The following ERG variants were observed in gnomAD, a reference collection of about 807,000 sequenced individuals.
ERG encodes transcriptional regulator ERG.
In ERG, 9 loss-of-function variants were observed where a neutral mutation model predicts 55.3. That is an observed-to-expected ratio of 0.16 (90% CI 0.10 to 0.28). ERG has a LOEUF of 0.28. ERG is among the 10% of genes least tolerant of loss of function. ERG has a pLI of 1.00. For synonymous variants in ERG, 223 were observed against 237.3 expected (o/e 0.94, Z 0.55); for missense variants, 434 against 631.6 (o/e 0.69, Z 3.35).
chr21:38,522,099 A>C (rs1304493179), intron 2 of ERG, among the ~76,000 whole-genome samples: 1 of 152,144 alleles, frequency 6.6e-6, no homozygotes, highest in South Asian at 2.1e-4. Flanking sequence ...TTTAATCTAA[A>C]CCTAAAGTAG....
intron 2 of ERG, among the ~76,000 whole-genome samples, chr21:38,550,463 T>C (rs1469310149): frequency 6.6e-6 from 1 of 152,194 alleles, no homozygotes; most frequent in African/African-American, 2.4e-5. Context: ...GTCATAAGGA[T>C]GGAGGTCTCA....
At chr21:38,486,558 G>A (rs2059287482) in intron 1 of ERG, among the ~76,000 whole-genome samples, 1 of 151,950 alleles carries the variant, frequency 6.6e-6, no homozygotes, top group African/African-American at 2.4e-5. Context: ...TATAAATGCA[G>A]GATTCCTTTC....
intron 2 of ERG, among the ~76,000 whole-genome samples, chr21:38,425,937 G>A (rs1989805955): frequency 1.3e-5 from 2 of 152,240 alleles, no homozygotes; most frequent in Non-Finnish European, 2.9e-5. Context: ...TGTTCAGCAT[G>A]TGGGAACTTG....
At chr21:38,595,687 A>T (rs2060126749) in intron 1 of ERG, among the ~76,000 whole-genome samples, 1 of 152,158 alleles carries the variant, frequency 6.6e-6, no homozygotes, top group African/African-American at 2.4e-5. Flanking sequence ...GTAGCCTTTA[A>T]GATGGAGACT....
intron 1 of ERG, among the ~76,000 whole-genome samples, chr21:38,480,591 C>CTCTTTTT (rs2059228901): frequency 2.0e-5 from 1 of 51,114 alleles, no homozygotes; most frequent in Non-Finnish European, 3.4e-5. Flanking sequence ...ACTATATGGC[C>CTCTTTTT]TTTTTTTTTT....
intron 2 of ERG, among the ~76,000 whole-genome samples, chr21:38,561,420 T>A (rs1480733958): frequency 6.6e-6 from 1 of 151,588 alleles, no homozygotes; most frequent in Non-Finnish European, 1.5e-5. Context: ...GTCACTTTTG[T>A]AACACACAAT....
intron 2 of ERG, among the ~76,000 whole-genome samples, chr21:38,569,385 T>C (rs1165956563): frequency 6.6e-6 from 1 of 152,242 alleles, no homozygotes; most frequent in Non-Finnish European, 1.5e-5. Context: ...GGAAGTCACT[T>C]GACCAGCAGT....
chr21:38,426,757 CCT>C (rs1164762502), intron 2 of ERG, among the ~76,000 whole-genome samples: 1 of 148,616 alleles, frequency 6.7e-6, no homozygotes, highest in Non-Finnish European at 1.5e-5. Flanking sequence ...ATGGAAAAAC[CCT>C]GTCTCTACTT....
chr21:38,520,670 C>T (rs915669117), intron 2 of ERG, among the ~76,000 whole-genome samples: 6 of 152,106 alleles, frequency 3.9e-5, no homozygotes, highest in Non-Finnish European at 7.4e-5. Flanking sequence ...TTCTAGGGGA[C>T]GGGTGACTCA....
At chr21:38,489,393 A>G (rs1023774339) in intron 1 of ERG, among the ~76,000 whole-genome samples, 2 of 152,236 alleles carry the variant, frequency 1.3e-5, no homozygotes, top group African/African-American at 4.8e-5. Context: ...GGCTTCCTTC[A>G]CTAGAATGCT....
intron 2 of ERG, among the ~76,000 whole-genome samples, chr21:38,553,174 C>A (rs61246921): frequency 2.0e-5 from 3 of 151,940 alleles, no homozygotes; most frequent in Non-Finnish European, 4.4e-5. Flanking sequence ...AAACAAAGAT[C>A]AAAGAAATCA....
rs149420935 is a variant in ERG at position 38,640,666 on chromosome 21, C to T, written c.-150+20992G>A. On this transcript the variant is annotated intron_variant, in intron 1 of 10. Transcript: ENST00000398910. ...CTTCTGCCATGATTGTGAGGCCTCC[C>T]CAGCCACGTGGAACTGTGAGTCCAC... is the stretch of plus-strand genomic sequence containing the variant. Among the ~76,000 whole-genome samples, 527 of 152,294 alleles carry T rather than the reference C, an allele frequency of 3.5e-3. 4 individuals carry two copies. The highest frequency in any genetic ancestry group is 0.012 in the African/African-American group (500 of 41,534).
intron 1 of ERG, among the ~76,000 whole-genome samples, chr21:38,468,213 A>C (rs1313435496): frequency 1.3e-5 from 2 of 152,158 alleles, no homozygotes; most frequent in Non-Finnish European, 2.9e-5. Flanking sequence ...AGGTCAGCTC[A>C]TCAATTGCAC....
chr21:38,606,234 G>C (rs968371222), intron 1 of ERG, among the ~76,000 whole-genome samples: 4 of 152,160 alleles, frequency 2.6e-5, no homozygotes, highest in Non-Finnish European at 5.9e-5. Flanking sequence ...TAGGCAGATA[G>C]ATAATTGATA....
downstream of ERG, among the ~76,000 whole-genome samples, chr21:38,376,726 G>A (rs900629185): frequency 6.6e-6 from 1 of 152,278 alleles, no homozygotes; most frequent in Non-Finnish European, 1.5e-5. Context: ...TGTATGGTGG[G>A]TCTCTTCACA....
At chr21:38,386,927 G>C (rs1371048591) in intron 9 of ERG, among the ~76,000 whole-genome samples, 1 of 152,126 alleles carries the variant, frequency 6.6e-6, no homozygotes, top group Non-Finnish European at 1.5e-5. Context: ...CACCTACAGA[G>C]AACCCTGTGG....
chr21:38,458,298 C>T lies in ERG; in HGVS notation c.19-12677G>A, dbSNP rs78126585. Among the ~76,000 whole-genome samples the T allele has an allele frequency of 8.5e-5, 13 of 152,140 alleles. No individual in the cohort carries two copies. The East Asian group carries it at 1.9e-3, about 23-fold the overall frequency. ...TATTAGCCAGGTGTGGTGGCGTGTGCCTGTAATCCCAGCTACTCGGTAGGC... is the reference window on the plus strand; with the variant it reads ...TATTAGCCAGGTGTGGTGGCGTGTGTCTGTAATCCCAGCTACTCGGTAGGC... On this transcript the variant is annotated intron_variant, in intron 1 of 9. Coordinates refer to ENST00000288319, the MANE Select transcript of ERG (RefSeq NM_182918.4).
chr21:38,623,852 C>T (rs1258266826), intron 1 of ERG, among the ~76,000 whole-genome samples: 1 of 152,188 alleles, frequency 6.6e-6, no homozygotes, highest in African/African-American at 2.4e-5. Context: ...ACCTAACAGC[C>T]ATTAGATTTC....
chr21:38,573,655 C>T (rs4817952), intron 2 of ERG, among the ~76,000 whole-genome samples: 16,586 of 152,204 alleles, frequency 0.11, 1,002 homozygotes, highest in East Asian at 0.22. Context: ...TATCACCCTG[C>T]TCTCCTACTA....
Sources: gnomAD v4.1 joint callset for allele counts (sites outside exome capture counted in the v4.1 genomes callset) on GRCh38, gnomAD v4.1.1 for gene constraint, MANE v1.5 for transcripts, NCBI Gene and HGNC (gene_info 2026-07-23, HGNC 2026-07-21) for gene names.